The following LTBP1 variants were observed in gnomAD, a reference collection of about 807,000 sequenced individuals.
The protein encoded by LTBP1 is latent-transforming growth factor beta-binding protein 1.
In LTBP1, 129 loss-of-function variants were observed where a neutral mutation model predicts 207.6. The observed-to-expected ratio is 0.62, with a 90% CI of 0.54 to 0.72. The LOEUF is 0.72. LTBP1 is among the 30% of genes least tolerant of loss of function. The pLI is 0.00. For synonymous variants in LTBP1, 963 were observed against 833.7 expected (o/e 1.16, Z -2.67); for missense variants, 2,281 against 2,217.2 (o/e 1.03, Z -0.58).
chr2:33,042,913 C>T (rs1234681097), intron 3 of LTBP1, among the ~76,000 whole-genome samples: 1 of 152,190 alleles, frequency 6.6e-6, no homozygotes, highest in Non-Finnish European at 1.5e-5. Flanking sequence ...CTGTCTCTGA[C>T]TTGCAGGCCT....
intron 7 of LTBP1, among the ~76,000 whole-genome samples, chr2:33,191,727 A>C (rs183585705): frequency 1.5e-4 from 23 of 152,338 alleles, no homozygotes; most frequent in Non-Finnish European, 2.9e-4. Flanking sequence ...ATCCAAAACA[A>C]AAACAAAACC....
chr2:33,024,532 G>T (rs188264148), intron 3 of LTBP1, among the ~76,000 whole-genome samples: 18 of 152,302 alleles, frequency 1.2e-4, no homozygotes, highest in African/African-American at 4.3e-4. Context: ...GGGATTAGAT[G>T]AATTGGTTTT....
chr2:33,284,141 T>A (rs1241709936), intron 19 of LTBP1, among the ~76,000 whole-genome samples: 1 of 152,242 alleles, frequency 6.6e-6, no homozygotes, highest in East Asian at 1.9e-4. Flanking sequence ...AATGGCCTCT[T>A]TGTATTCATG....
intron 3 of LTBP1, among the ~76,000 whole-genome samples, chr2:33,041,286 C>CT (rs1558550826): frequency 6.6e-6 from 1 of 151,118 alleles, no homozygotes; most frequent in Admixed American, 6.6e-5. Context: ...CTTTTTCTTT[C>CT]TTTTTTTTTC....
chr2:33,313,450 C>T (rs1192858377), intron 23 of LTBP1, among the ~76,000 whole-genome samples: 1 of 151,834 alleles, frequency 6.6e-6, no homozygotes, highest in Non-Finnish European at 1.5e-5. Context: ...TATTGAGGAC[C>T]ACTGGGTCAG....
At chr2:33,241,939 G>C (rs1014449494) in intron 9 of LTBP1, among the ~76,000 whole-genome samples, 5 of 152,304 alleles carry the variant, frequency 3.3e-5, no homozygotes, top group African/African-American at 1.2e-4. Context: ...TAAATAATGA[G>C]ATGGTCAGGT....
At chr2:33,194,093 T>C (rs1038462279) in intron 7 of LTBP1, among the ~76,000 whole-genome samples, 3 of 152,078 alleles carry the variant, frequency 2.0e-5, no homozygotes, top group Admixed American at 6.6e-5. Context: ...TTCACGCCAT[T>C]CTCCTGCCTC....
At chr2:33,091,659 A>G (rs1219317297) in intron 3 of LTBP1, among the ~76,000 whole-genome samples, 1 of 152,200 alleles carries the variant, frequency 6.6e-6, no homozygotes, top group Non-Finnish European at 1.5e-5. Context: ...GAATTGTAAT[A>G]TACTCAAGGA....
Position 33,218,583 on chromosome 2 carries a change from G to A in LTBP1, c.1804+929G>A, listed in dbSNP as rs374138454. Among the ~76,000 whole-genome samples, 4 of 152,260 alleles carry A rather than the reference G, an allele frequency of 2.6e-5. No individual in the cohort carries two copies. In the East Asian group the frequency reaches 7.7e-4, roughly 29 times the overall value. On this transcript the variant is annotated intron_variant, in intron 8 of 33. Transcript: ENST00000404816. ...AGCTAATTTTTGTATTTTCAGTAGA[G>A]ATGGGGTTTCACCATGTTGGCCAGG...
At chr2:33,174,993 T>C (rs1206177258) in intron 5 of LTBP1, among the ~76,000 whole-genome samples, 2 of 152,062 alleles carry the variant, frequency 1.3e-5, no homozygotes, top group Non-Finnish European at 2.9e-5. Context: ...TTACACCTTA[T>C]ACAAAAATTA....
chr2:32,999,050 G>A (rs1685712143), intron 2 of LTBP1, among the ~76,000 whole-genome samples: 1 of 152,152 alleles, frequency 6.6e-6, no homozygotes, highest in African/African-American at 2.4e-5. Flanking sequence ...GAAACTTAGG[G>A]ATGGGTCCTG....
intron 2 of LTBP1, among the ~76,000 whole-genome samples, chr2:32,984,873 G>T (rs1208073387): frequency 6.6e-6 from 1 of 152,208 alleles, no homozygotes; most frequent in East Asian, 1.9e-4. Context: ...GGAGGTCGCA[G>T]TGAGCTGAGA....
intron 3 of LTBP1, among the ~76,000 whole-genome samples, chr2:33,054,218 C>CCGTT (rs1205434496): frequency 6.6e-6 from 1 of 152,186 alleles, no homozygotes; most frequent in East Asian, 1.9e-4. Context: ...TCTCCACTGA[C>CCGTT]CGTTCGGTTT....
chr2:33,389,530 C>A (rs746258919), intron 32 of LTBP1, among the ~76,000 whole-genome samples: 7 of 151,220 alleles, frequency 4.6e-5, no homozygotes, highest in Admixed American at 6.6e-5. Flanking sequence ...GAGCCGAGAT[C>A]ACACCACTGC....
chr2:33,028,081 C>G (rs1337657002), intron 3 of LTBP1, among the ~76,000 whole-genome samples: 1 of 152,020 alleles, frequency 6.6e-6, no homozygotes, highest in Non-Finnish European at 1.5e-5. Flanking sequence ...ATTTTTTCCT[C>G]CTGAGACTGA....
intron 5 of LTBP1, among the ~76,000 whole-genome samples, chr2:33,161,803 C>T (rs1358123000): frequency 6.6e-6 from 1 of 152,202 alleles, no homozygotes; most frequent in Non-Finnish European, 1.5e-5. Flanking sequence ...AGACTATAAA[C>T]ATTCATGATC....
In LTBP1 at chr2:33,363,453, G is replaced by A. The variant is rs770165079; in HGVS notation, c.4334G>A (p.Arg1445Gln). 6.8e-6 allele frequency: 11 copies of A among 1,613,716 alleles called. No homozygotes were observed. In the East Asian group the frequency reaches 8.9e-5, roughly 13 times the overall value. ...AAAAATGGTTTCTGTTTGAACACTC[G>A]GCCTGGGTATGAATGCTACTGTAAG... ...ICKNGFCLNT[R>Q]PGYECYCKQG... is the part of the protein sequence containing the mutation. The change falls in exon 29 of 34, where the codon CGG becomes CAG. Residue 1445 changes from arginine (R) to glutamine (Q), a missense_variant. By Grantham distance (43) the Arg-to-Gln change is conservative. Coordinates refer to ENST00000404816, the MANE Select transcript of LTBP1 (RefSeq NM_206943.4).
At chr2:33,194,439 C>T (rs995905899) in intron 7 of LTBP1, among the ~76,000 whole-genome samples, 1 of 152,162 alleles carries the variant, frequency 6.6e-6, no homozygotes, top group African/African-American at 2.4e-5. Flanking sequence ...AAGTGCTACT[C>T]CAGAGAGTAC....
In LTBP1 at chr2:32,960,457, C is replaced by T. The variant is rs17396191; in HGVS notation, c.565+11512C>T. ...AATGGATTGATTTGTTGTACTTTCA[C>T]CAAGCTCCTATATAGTAGGTTTTGG... On this transcript the variant is annotated intron_variant, in intron 2 of 33. Transcript: ENST00000404816. Among the ~76,000 whole-genome samples, 370 of 152,222 alleles carry T rather than the reference C, an allele frequency of 2.4e-3. 1 individual carries two copies. Among genetic ancestry groups the T allele is most frequent in the South Asian group, 0.017 (82 of 4,818 alleles).
Sources: allele counts gnomAD v4.1 joint callset (sites outside exome capture counted in the v4.1 genomes callset), GRCh38; gene constraint gnomAD v4.1.1; transcripts MANE v1.5; gene names NCBI Gene and HGNC (gene_info 2026-07-23, HGNC 2026-07-21).